The following MAML2 variants were observed in gnomAD, a reference collection of about 807,000 sequenced individuals.
MAML2 encodes mastermind-like protein 2.
MAML2 carries 22 observed loss-of-function variants against 96.1 expected under a neutral mutation model. The ratio of observed to expected loss-of-function variants is 0.23; its 90% CI spans 0.16 to 0.33. MAML2 has a LOEUF of 0.33. Among genes scored for constraint, MAML2 ranks in the 10% least tolerant of loss-of-function variants. The pLI, the probability that MAML2 is intolerant of heterozygous loss-of-function variation, is 1.00. For synonymous variants in MAML2, 561 were observed against 521.3 expected (o/e 1.08, Z -1.04); for missense variants, 1,367 against 1,392.4 (o/e 0.98, Z 0.29).
At chr11:96,121,780 A>ATTTTTTGTTTTTTTTTTTTTTTTTTTT in intron 1 of MAML2, among the ~76,000 whole-genome samples, 1 of 35,244 alleles carries the variant, frequency 2.8e-5, no homozygotes, top group South Asian at 1.3e-3. Context: ...CAACTGCGTG[A>ATTTTTTGTTTTTTTTTTTTTTTTTTTT]TTTTTTTTTT....
At chr11:95,995,132 C>T (rs999098682) in intron 2 of MAML2, among the ~76,000 whole-genome samples, 1 of 152,212 alleles carries the variant, frequency 6.6e-6, no homozygotes, top group Non-Finnish European at 1.5e-5. Flanking sequence ...AGTCTGTTTA[C>T]GTTTGTTTTC....
chr11:96,042,994 C>T (rs1858840929), intron 2 of MAML2, among the ~76,000 whole-genome samples: 2 of 152,104 alleles, frequency 1.3e-5, no homozygotes, highest in African/African-American at 4.8e-5. Flanking sequence ...GATCTTCCCG[C>T]CTTAGCCTCC....
At chr11:96,099,152 C>G (rs1023049657) in intron 1 of MAML2, among the ~76,000 whole-genome samples, 3 of 152,140 alleles carry the variant, frequency 2.0e-5, no homozygotes, top group Non-Finnish European at 2.9e-5. Flanking sequence ...AAGGGAATAT[C>G]TTGGTTCCAT....
intron 1 of MAML2, among the ~76,000 whole-genome samples, chr11:96,144,696 T>C (rs1860789113): frequency 6.6e-6 from 1 of 152,242 alleles, no homozygotes; most frequent in Non-Finnish European, 1.5e-5. Flanking sequence ...ATAATAAGAA[T>C]ACTTGCTATC....
At chr11:96,276,816 CA>C (rs67291067) in intron 1 of MAML2, among the ~76,000 whole-genome samples, 33,332 of 78,844 alleles carry the variant, frequency 0.42, 2,797 homozygotes, top group Middle Eastern at 0.49. Context: ...TTCTCAGACC[CA>C]AAAAAAAAAA....
At chr11:96,072,149 G>C (rs1377564190) in intron 2 of MAML2, among the ~76,000 whole-genome samples, 4 of 151,920 alleles carry the variant, frequency 2.6e-5, no homozygotes, top group African/African-American at 9.7e-5. Flanking sequence ...ATTCCTCTCT[G>C]GCTACCATTA....
rs1372996828 is a variant in MAML2 at position 96,342,610 on chromosome 11, G to A, written c.-715C>T. 7.6e-6 allele frequency: 3 copies of A among 392,634 alleles called. No individual in the cohort carries two copies. Among genetic ancestry groups the A allele is most frequent in the African/African-American group, 6.2e-5 (3 of 48,478 alleles). The allele number at this position is 392,634 out of a possible 1,614,324, so 24.3% of individuals were successfully genotyped here. On this transcript the variant is annotated 5_prime_UTR_variant, in exon 1 of 5. Transcript: ENST00000524717. Reference sequence around the variant, plus strand: ...CCTCTTTGGGGTACTGTAGGATGTTGTCTTCTCCCAAAAGAGGGAGACAGC... The same window carrying A: ...CCTCTTTGGGGTACTGTAGGATGTTATCTTCTCCCAAAAGAGGGAGACAGC...
chr11:96,195,595 G>A (rs893381931), intron 1 of MAML2, among the ~76,000 whole-genome samples: 2 of 152,158 alleles, frequency 1.3e-5, no homozygotes, highest in African/African-American at 4.8e-5. Flanking sequence ...AAACATACAG[G>A]CAGAAAGCAG....
intron 1 of MAML2, among the ~76,000 whole-genome samples, chr11:96,141,990 A>T (rs1251334763): frequency 6.6e-6 from 1 of 152,230 alleles, no homozygotes; most frequent in Non-Finnish European, 1.5e-5. Context: ...TATTCATTTA[A>T]TTAACATTTA....
intron 1 of MAML2, among the ~76,000 whole-genome samples, chr11:96,211,591 G>T (rs1167629628): frequency 6.6e-6 from 1 of 152,086 alleles, no homozygotes; most frequent in African/African-American, 2.4e-5. Flanking sequence ...GTAAGAGAAG[G>T]GAAGATCAGA....
In MAML2 at chr11:96,245,946, G is replaced by GC. The variant is rs545691823; in HGVS notation, c.513+95436dup. ...TTTCGAACTCCTGACCTCGTGATCT[G>GC]CCCCCCTCGACCTCCCAAAGTGCTG... On this transcript the variant is annotated intron_variant, in intron 1 of 4. Coordinates refer to ENST00000524717, the MANE Select transcript of MAML2 (RefSeq NM_032427.4). Among the ~76,000 whole-genome samples the GC allele has an allele frequency of 4.7e-4, 71 of 152,044 alleles. 2 individuals carry two copies. In the South Asian group the frequency reaches 0.011, roughly 24 times the overall value.
At chr11:96,003,721 G>T (rs1565186880) in intron 2 of MAML2, among the ~76,000 whole-genome samples, 1 of 152,052 alleles carries the variant, frequency 6.6e-6, no homozygotes, top group Non-Finnish European at 1.5e-5. Context: ...GTATACAACA[G>T]ATTCAAAACA....
intron 1 of MAML2, among the ~76,000 whole-genome samples, chr11:96,152,213 T>G (rs1860935316): frequency 6.6e-6 from 1 of 152,194 alleles, no homozygotes; most frequent in Admixed American, 6.5e-5. Flanking sequence ...CAGAGTGAGA[T>G]TCTGTCTAAA....
At position 96,248,174 on chromosome 11, in the gene MAML2, A is replaced by G. The variant is rs563637866; in HGVS notation, c.513+93209T>C. On this transcript the variant is annotated intron_variant, in intron 1 of 4. Coordinates refer to ENST00000524717, the MANE Select transcript of MAML2 (RefSeq NM_032427.4). Reference sequence around the variant, plus strand: ...TGCCCAGGCAACAGAGTGCAGTGGCATGATCTCCGCTCACTGCAGCCTCCA... The same window carrying G: ...TGCCCAGGCAACAGAGTGCAGTGGCGTGATCTCCGCTCACTGCAGCCTCCA... 1.8e-4 allele frequency among the ~76,000 whole-genome samples: 26 copies of G among 145,748 alleles called. 1 individual carries two copies. The South Asian group carries it at 5.4e-3, about 30-fold the overall frequency.
chr11:96,170,540 T>G (rs1039188028), intron 1 of MAML2, among the ~76,000 whole-genome samples: 2 of 152,182 alleles, frequency 1.3e-5, no homozygotes, highest in African/African-American at 4.8e-5. Context: ...GAACACTACA[T>G]TTTGACAGGA....
Position 96,115,384 on chromosome 11 carries a change from T to C in MAML2, c.514-21867A>G, listed in dbSNP as rs138133928. Among the ~76,000 whole-genome samples, 10 of 152,088 alleles carry C rather than the reference T, an allele frequency of 6.6e-5. No homozygotes were observed. In the East Asian group the frequency reaches 1.9e-3, roughly 29 times the overall value. ...GGGCGTCTTTGTAGGTTGCCCAGGC[T>C]GGTCGTGAACTCTTGGTCTCAAGCA... On this transcript the variant is annotated intron_variant, in intron 1 of 4. Coordinates refer to ENST00000524717, the MANE Select transcript of MAML2 (RefSeq NM_032427.4).
Position 96,018,286 on chromosome 11 carries a change from A to C in MAML2, c.2140-26563T>G, listed in dbSNP as rs192418042. Among the ~76,000 whole-genome samples, 17 of 152,322 alleles carry C rather than the reference A, an allele frequency of 1.1e-4. 1 individual carries two copies. The East Asian group carries it at 3.3e-3, about 29-fold the overall frequency. On this transcript the variant is annotated intron_variant, in intron 2 of 4. Transcript: ENST00000524717. ...GGGATATGTCAAGTTTGAGATGCTTATTACACATCCAAGTGGAGATGTCAG... is the reference window on the plus strand; with the variant it reads ...GGGATATGTCAAGTTTGAGATGCTTCTTACACATCCAAGTGGAGATGTCAG...
chr11:96,339,044 G>A (rs1166762227), intron 1 of MAML2, among the ~76,000 whole-genome samples: 1 of 152,126 alleles, frequency 6.6e-6, no homozygotes, highest in Non-Finnish European at 1.5e-5. Flanking sequence ...AAATGGAGAG[G>A]GAATTTCCAA....
At chr11:96,012,381 C>G (rs1858280729) in intron 2 of MAML2, among the ~76,000 whole-genome samples, 2 of 152,180 alleles carry the variant, frequency 1.3e-5, no homozygotes, top group African/African-American at 2.4e-5. Context: ...TAAGCGGTTC[C>G]CTGTTCCTTG....
Sources: gnomAD v4.1 joint callset for allele counts (sites outside exome capture counted in the v4.1 genomes callset) on GRCh38, gnomAD v4.1.1 for gene constraint, MANE v1.5 for transcripts, NCBI Gene and HGNC (gene_info 2026-07-23, HGNC 2026-07-21) for gene names.